The following CDH13 variants were observed in gnomAD, a reference collection of about 807,000 sequenced individuals.
CDH13 encodes the protein cadherin-13.
Under a neutral mutation model 63.8 loss-of-function variants are expected in CDH13, and 24 were observed. That is an observed-to-expected ratio of 0.38 (90% CI 0.27 to 0.53). The LOEUF (loss-of-function observed/expected upper bound fraction) is 0.53, where lower values mean the gene tolerates loss of function less well. Among genes scored for constraint, CDH13 ranks in the 20% least tolerant of loss-of-function variants. The pLI is 0.85. For synonymous variants in CDH13, 503 were observed against 355.3 expected (o/e 1.42, Z -4.67); for missense variants, 1,049 against 903.1 (o/e 1.16, Z -2.07).
chr16:82,864,471 C>G (rs546499468), intron 2 of CDH13, among the ~76,000 whole-genome samples: 3 of 152,080 alleles, frequency 2.0e-5, no homozygotes, highest in Admixed American at 6.5e-5. Flanking sequence ...GAAGAGGAAG[C>G]AAGGCACCTT....
At chr16:82,907,149 C>T (rs1040247871) in intron 2 of CDH13, among the ~76,000 whole-genome samples, 1 of 152,148 alleles carries the variant, frequency 6.6e-6, no homozygotes, top group African/African-American at 2.4e-5. Flanking sequence ...AATTTCAGAA[C>T]AGAAATGGGA....
At chr16:82,857,759 A>G (rs1178572192) in intron 1 of CDH13, among the ~76,000 whole-genome samples, 1 of 152,204 alleles carries the variant, frequency 6.6e-6, no homozygotes. Context: ...ATTAATATGA[A>G]ATTATTGACT....
chr16:83,321,120 T>C (rs1490160092), intron 5 of CDH13, among the ~76,000 whole-genome samples: 2 of 152,230 alleles, frequency 1.3e-5, no homozygotes, highest in Non-Finnish European at 2.9e-5. Flanking sequence ...AAGGGGGCCT[T>C]CCTGATGTCT....
chr16:83,025,432 T>G (rs144767204), intron 2 of CDH13, among the ~76,000 whole-genome samples: 4 of 152,262 alleles, frequency 2.6e-5, no homozygotes, highest in African/African-American at 9.6e-5. Context: ...CACATCCTTC[T>G]TCACATGGCA....
Position 83,325,284 on chromosome 16 carries a change from A to G in CDH13, c.637-19578A>G, listed in dbSNP as rs527919600. ...GGCACCTTATCTATCTGTTGAATGAATAAATAACAATGAGAGAGGGGGAGG... is the reference window on the plus strand; with the variant it reads ...GGCACCTTATCTATCTGTTGAATGAGTAAATAACAATGAGAGAGGGGGAGG... On this transcript the variant is annotated intron_variant, in intron 5 of 13. Transcript: ENST00000567109. Among the ~76,000 whole-genome samples the G allele has an allele frequency of 9.2e-5, 14 of 152,322 alleles. No homozygotes were observed. The South Asian group carries it at 1.2e-3, about 14-fold the overall frequency.
chr16:83,770,757 C>T (rs993270888), intron 11 of CDH13, among the ~76,000 whole-genome samples: 4 of 152,118 alleles, frequency 2.6e-5, no homozygotes, highest in African/African-American at 4.8e-5. Context: ...TAGTGAGGAC[C>T]ACGAGAGGTC....
chr16:83,322,428 A>G, intron 5 of CDH13, among the ~76,000 whole-genome samples: 1 of 152,066 alleles, frequency 6.6e-6, no homozygotes, highest in East Asian at 1.9e-4. Flanking sequence ...TAGTGCACTC[A>G]CTCGGTGATG....
intron 1 of CDH13, among the ~76,000 whole-genome samples, chr16:82,713,261 C>T (rs961805122): frequency 6.6e-6 from 1 of 152,130 alleles, no homozygotes; most frequent in Non-Finnish European, 1.5e-5. Flanking sequence ...GGTATGAGGT[C>T]CAAGGATCTG....
chr16:83,300,457 A>T (rs978277846), intron 5 of CDH13, among the ~76,000 whole-genome samples: 1 of 152,248 alleles, frequency 6.6e-6, no homozygotes, highest in African/African-American at 2.4e-5. Context: ...GGAAGATGTT[A>T]TCTCAAATTT....
At chr16:83,134,911 T>C (rs2036216703) in intron 4 of CDH13, among the ~76,000 whole-genome samples, 1 of 152,198 alleles carries the variant, frequency 6.6e-6, no homozygotes, top group African/African-American at 2.4e-5. Flanking sequence ...TTTTTAACCC[T>C]GAGTTTATCA....
At position 83,595,347 on chromosome 16, in the gene CDH13, C is replaced by T. The variant is rs189397367; in HGVS notation, c.961-7107C>T. ...ATCATTATCAATAATGAAAGTAAATCGCCCACCTTGTGTGCTGACTACTGG... is the reference window on the plus strand; with the variant it reads ...ATCATTATCAATAATGAAAGTAAATTGCCCACCTTGTGTGCTGACTACTGG... On this transcript the variant is annotated intron_variant, in intron 7 of 13. Transcript: ENST00000567109. 1.5e-3 allele frequency among the ~76,000 whole-genome samples: 233 copies of T among 152,302 alleles called. 2 individuals carry two copies. The highest frequency in any genetic ancestry group is 0.013 in the Admixed American group (196 of 15,288).
In CDH13 at chr16:83,391,245, G is replaced by A. The variant is rs368688256; in HGVS notation, c.781+46239G>A. Among the ~76,000 whole-genome samples the A allele has an allele frequency of 2.7e-4, 40 of 149,592 alleles. No homozygotes were observed. The East Asian group carries it at 5.7e-3, about 21-fold the overall frequency. ...TTTTTGAGACAGCGTCTTACCCGTC[G>A]CCCAGGATGGACTGCAATAACATGA... On this transcript the variant is annotated intron_variant, in intron 6 of 13. Transcript: ENST00000567109.
intron 2 of CDH13, among the ~76,000 whole-genome samples, chr16:82,923,056 C>T (rs913801346): frequency 6.6e-6 from 1 of 151,388 alleles, no homozygotes; most frequent in Non-Finnish European, 1.5e-5. Flanking sequence ...CATTTTATTG[C>T]AAAAAAAATG....
At chr16:82,707,655 C>G (rs901082702) in intron 1 of CDH13, among the ~76,000 whole-genome samples, 6 of 152,178 alleles carry the variant, frequency 3.9e-5, no homozygotes, top group Non-Finnish European at 8.8e-5. Flanking sequence ...GCAGAATTAG[C>G]TCCAACATGG....
chr16:83,263,627 T>C (rs966760592), intron 5 of CDH13, among the ~76,000 whole-genome samples: 2 of 152,230 alleles, frequency 1.3e-5, no homozygotes, highest in African/African-American at 2.4e-5. Flanking sequence ...GTTTGGCCAA[T>C]GTAGAGGATT....
At chr16:83,370,057 ATC>A (rs2091335775) in intron 6 of CDH13, among the ~76,000 whole-genome samples, 1 of 152,118 alleles carries the variant, frequency 6.6e-6, no homozygotes, top group Non-Finnish European at 1.5e-5. Flanking sequence ...TATCTCCAAT[ATC>A]TCCTGCTACT....
chr16:82,853,745 C>T (rs1271500011), intron 1 of CDH13, among the ~76,000 whole-genome samples: 1 of 152,166 alleles, frequency 6.6e-6, no homozygotes, highest in Admixed American at 6.5e-5. Context: ...TCTTGGTTAC[C>T]TCTCATTTCT....
intron 3 of CDH13, among the ~76,000 whole-genome samples, chr16:83,033,194 C>A (rs935024553): frequency 5.3e-5 from 8 of 152,186 alleles, no homozygotes; most frequent in African/African-American, 1.9e-4. Flanking sequence ...ACCTGCCCAA[C>A]CTACTCATGC....
At chr16:83,185,018 A>G (rs750101938) in intron 4 of CDH13, among the ~76,000 whole-genome samples, 1 of 151,712 alleles carries the variant, frequency 6.6e-6, no homozygotes, top group Non-Finnish European at 1.5e-5. Flanking sequence ...ACTTTCCTCT[A>G]TCTTTCTGAT....
Sources: allele counts gnomAD v4.1 joint callset (sites outside exome capture counted in the v4.1 genomes callset), GRCh38; gene constraint gnomAD v4.1.1; transcripts MANE v1.5; gene names NCBI Gene and HGNC (gene_info 2026-07-23, HGNC 2026-07-21).